The following ADK variants were observed in gnomAD, a reference collection of about 807,000 sequenced individuals.
The protein encoded by ADK is adenosine kinase, also known as N6,N6-dimethyladenosine kinase.
ADK carries 24 observed loss-of-function variants against 44.7 expected under a neutral mutation model. That is an observed-to-expected ratio of 0.54 (90% CI 0.39 to 0.76). The LOEUF (loss-of-function observed/expected upper bound fraction) is 0.76, where lower values mean the gene tolerates loss of function less well. Among genes scored for constraint, ADK ranks in the 30% least tolerant of loss-of-function variants. ADK has a pLI of 0.00. For missense variants in ADK, 321 were observed against 425.1 expected (o/e 0.76, Z 2.15); for synonymous variants, 128 against 142.6 (o/e 0.90, Z 0.73).
intron 6 of ADK, among the ~76,000 whole-genome samples, chr10:74,410,739 G>A (rs934232321): frequency 3.3e-5 from 5 of 151,978 alleles, no homozygotes; most frequent in Admixed American, 2.6e-4. Context: ...AACCTTATTC[G>A]ACCATGGAAC....
chr10:74,440,642 T>C (rs948795351), intron 6 of ADK, among the ~76,000 whole-genome samples: 6 of 152,144 alleles, frequency 3.9e-5, no homozygotes, highest in South Asian at 2.1e-4. Context: ...TTAGATCATC[T>C]AAACATGAAA....
intron 4 of ADK, among the ~76,000 whole-genome samples, chr10:74,360,074 T>C (rs1221555295): frequency 6.6e-6 from 1 of 152,182 alleles, no homozygotes; most frequent in Admixed American, 6.5e-5. Flanking sequence ...ATAAGATCTC[T>C]CCTGGAGAAT....
chr10:74,686,137 A>G (rs1423842579), intron 10 of ADK, among the ~76,000 whole-genome samples: 1 of 151,550 alleles, frequency 6.6e-6, no homozygotes, highest in African/African-American at 2.4e-5. Context: ...AATTTTTTGT[A>G]TTTTTTAGTA....
chr10:74,605,097 T>C (rs1228215259), intron 9 of ADK, among the ~76,000 whole-genome samples: 1 of 152,226 alleles, frequency 6.6e-6, no homozygotes, highest in African/African-American at 2.4e-5. Flanking sequence ...TGATTTTGTA[T>C]CCTGAGACTT....
chr10:74,680,455 C>T (rs1855563816), intron 10 of ADK, among the ~76,000 whole-genome samples: 1 of 151,880 alleles, frequency 6.6e-6, no homozygotes, highest in Non-Finnish European at 1.5e-5. Flanking sequence ...AGAAACACTC[C>T]AAACAGCTAA....
At chr10:74,571,376 C>T (rs1250838307) in intron 7 of ADK, among the ~76,000 whole-genome samples, 3 of 151,968 alleles carry the variant, frequency 2.0e-5, no homozygotes, top group African/African-American at 7.3e-5. Context: ...CCAGCTCCTC[C>T]TTGTACCTCT....
intron 2 of ADK, among the ~76,000 whole-genome samples, chr10:74,214,352 A>C (rs953624011): frequency 1.3e-5 from 2 of 152,184 alleles, no homozygotes; most frequent in African/African-American, 4.8e-5. Flanking sequence ...CCATATCCAC[A>C]CTGTCTACCT....
At chr10:74,532,475 C>A (rs371841647) in intron 7 of ADK, among the ~76,000 whole-genome samples, 561 of 124,794 alleles carry the variant, frequency 4.5e-3, no homozygotes, top group Middle Eastern at 0.012. Context: ...GAAACTGTGT[C>A]AAAAAAAAAA....
At chr10:74,391,611 C>G (rs959974097) in intron 4 of ADK, among the ~76,000 whole-genome samples, 72 of 148,224 alleles carry the variant, frequency 4.9e-4, no homozygotes, top group African/African-American at 1.8e-3. Flanking sequence ...GAAGACTGAG[C>G]TGGGAGGATC....
At chr10:74,310,706 A>G (rs1303518179) in intron 3 of ADK, among the ~76,000 whole-genome samples, 1 of 152,178 alleles carries the variant, frequency 6.6e-6, no homozygotes, top group Non-Finnish European at 1.5e-5. Flanking sequence ...CTTCAGAATA[A>G]TGTCTACACT....
chr10:74,363,104 A>G (rs1842390241), intron 4 of ADK, among the ~76,000 whole-genome samples: 1 of 152,208 alleles, frequency 6.6e-6, no homozygotes, highest in African/African-American at 2.4e-5. Flanking sequence ...AGGTCCCAGT[A>G]TCTGGGCAGT....
intron 2 of ADK, among the ~76,000 whole-genome samples, chr10:74,203,811 A>G (rs1368548629): frequency 2.6e-5 from 4 of 151,608 alleles, no homozygotes; most frequent in African/African-American, 4.8e-5. Context: ...ACAATTCCAT[A>G]TGAATTTTTG....
intron 3 of ADK, among the ~76,000 whole-genome samples, chr10:74,232,257 G>A (rs938362818): frequency 6.6e-6 from 1 of 152,050 alleles, no homozygotes; most frequent in Non-Finnish European, 1.5e-5. Context: ...GGTAGCTCAC[G>A]CCTGTAGTCC....
At chr10:74,564,575 C>T (rs978329862) in intron 7 of ADK, among the ~76,000 whole-genome samples, 1 of 152,040 alleles carries the variant, frequency 6.6e-6, no homozygotes, top group Admixed American at 6.5e-5. Flanking sequence ...ATTTTCTCAA[C>T]AGTTTTTGAT....
rs566311367 is a variant in ADK, at chr10:74,679,718, T to A, written c.964+9449T>A. 6.8e-4 allele frequency among the ~76,000 whole-genome samples: 104 copies of A among 152,140 alleles called. 1 individual carries two copies. Among genetic ancestry groups the A allele is most frequent in the Admixed American group, 9.2e-4 (14 of 15,274 alleles). The stretch of plus-strand genomic sequence containing the variant: ...GGCTCACACCTGTAATCCCAGCACT[T>A]TGGGAGGCTGAGACAGGTGGATCAC... On this transcript the variant is annotated intron_variant, in intron 10 of 10. Coordinates refer to ENST00000539909, the MANE Select transcript of ADK (RefSeq NM_006721.4).
At chr10:74,657,972 A>C (rs1004513462) in intron 9 of ADK, among the ~76,000 whole-genome samples, 1 of 152,238 alleles carries the variant, frequency 6.6e-6, no homozygotes, top group Non-Finnish European at 1.5e-5. Flanking sequence ...GACTTGATAC[A>C]TACACAAGAA....
chr10:74,471,207 T>C (rs1157404178), intron 6 of ADK, among the ~76,000 whole-genome samples: 1 of 151,990 alleles, frequency 6.6e-6, no homozygotes, highest in Non-Finnish European at 1.5e-5. Flanking sequence ...CCCAAGTAGC[T>C]GGGACTACAA....
chr10:74,548,162 A>G (rs1036959637), intron 7 of ADK, among the ~76,000 whole-genome samples: 4 of 152,208 alleles, frequency 2.6e-5, no homozygotes, highest in African/African-American at 9.6e-5. Context: ...GCTGTATAAT[A>G]TAATTTATTT....
At chr10:74,699,261 A>G (rs1856325145) in intron 10 of ADK, among the ~76,000 whole-genome samples, 1 of 150,852 alleles carries the variant, frequency 6.6e-6, no homozygotes, top group South Asian at 2.1e-4. Flanking sequence ...ATTAAAAAGT[A>G]CTTTGTTTAC....
Sources: gnomAD v4.1 joint callset for allele counts (sites outside exome capture counted in the v4.1 genomes callset) on GRCh38, gnomAD v4.1.1 for gene constraint, MANE v1.5 for transcripts, NCBI Gene and HGNC (gene_info 2026-07-23, HGNC 2026-07-21) for gene names.